The following RFX2 variants were observed in gnomAD, a reference collection of about 807,000 sequenced individuals.
RFX2 encodes the protein regulatory factor X2.
Under a neutral mutation model 87.8 loss-of-function variants are expected in RFX2, and 20 were observed. The observed-to-expected ratio is 0.23, with a 90% CI of 0.16 to 0.33. RFX2 has a LOEUF of 0.33. RFX2 is among the 10% of genes least tolerant of loss of function. RFX2 has a pLI of 1.00. For synonymous variants in RFX2, 397 were observed against 431.3 expected, an observed-to-expected ratio of 0.92 and a Z score of 0.98; for missense variants, 767 against 1,012.3, an observed-to-expected ratio of 0.76 and a Z score of 3.29.
At chr19:6,029,376 T>C (rs1478597641) in intron 5 of RFX2, among the ~76,000 whole-genome samples, 1 of 151,972 alleles carries the variant, frequency 6.6e-6, no homozygotes, top group East Asian at 1.9e-4. Context: ...TAAAATATAC[T>C]TAAAGAGCTA....
chr19:6,045,158 C>T lies in RFX2; in HGVS notation c.91-876G>A, dbSNP rs1398757384. ...CGAGGGGTGATGGGTGAGGACACGC[C>T]ATCCCCTGTGTTGCAGGAGTGGAGC... On this transcript the variant is annotated intron_variant, in intron 2 of 17. Transcript: ENST00000303657. This position sits in a 1 kb window ranked among gnomAD's most constrained non-coding sequence, Gnocchi z 5.2. Among the ~76,000 whole-genome samples, 1 of 152,120 alleles carries T rather than the reference C, an allele frequency of 6.6e-6. No homozygotes were observed. Among genetic ancestry groups the T allele is most frequent in the Non-Finnish European group, 1.5e-5 (1 of 68,032 alleles).
In RFX2 at chr19:5,995,585, C is replaced by T; in HGVS notation, c.2056+16G>A. The T allele has an allele frequency of 6.4e-7, 1 of 1,551,664 alleles. No homozygotes were observed. Among genetic ancestry groups the T allele is most frequent in the East Asian group, 2.4e-5 (1 of 40,920 alleles). Reference sequence around the variant, plus strand: ...TCCTGGGAGGGTCGTGGTGGGAAAGCCGCAGACGCACCTACCTTTGTCGAG... The same window carrying T: ...TCCTGGGAGGGTCGTGGTGGGAAAGTCGCAGACGCACCTACCTTTGTCGAG... On this transcript the variant is annotated intron_variant, in intron 17 of 17. Transcript: ENST00000303657.
At chr19:6,100,230 C>T (rs1382178075) in intron 1 of RFX2, among the ~76,000 whole-genome samples, 1 of 152,066 alleles carries the variant, frequency 6.6e-6, no homozygotes, top group Non-Finnish European at 1.5e-5. Context: ...AGGGAGGCAA[C>T]GAAAAGGGAG....
Position 6,013,191 on chromosome 19 carries a change from C to CA in RFX2, c.780-87_780-86insT. 4 of 1,075,762 alleles carry CA rather than the reference C, an allele frequency of 3.7e-6. No homozygotes were observed. The highest frequency in any genetic ancestry group is 3.7e-6 in the Non-Finnish European group (3 of 801,074). The allele number at this position is 1,075,762 out of a possible 1,614,324, so 66.6% of individuals were successfully genotyped here. A position where few individuals can be genotyped will look rare whatever the true frequency, so the allele number is the denominator to read the frequency against. The stretch of plus-strand genomic sequence containing the variant: ...TTGGGATTCTTTTTCTTTCTTTCTT[C>CA]TTTTTTTTTTTTGAGACAGAATCTC... On this transcript the variant is annotated intron_variant, in intron 7 of 17. Transcript: ENST00000303657. This position sits in a 1 kb window ranked among gnomAD's most constrained non-coding sequence, Gnocchi z 4.1.
intron 1 of RFX2, among the ~76,000 whole-genome samples, chr19:6,082,998 G>T (rs565023904): frequency 1.3e-5 from 2 of 152,062 alleles, no homozygotes; most frequent in Admixed American, 6.6e-5. Flanking sequence ...GGCTGCAGTG[G>T]CACAAACACG....
intron 1 of RFX2, among the ~76,000 whole-genome samples, chr19:6,086,301 G>A (rs2087855132): frequency 6.6e-6 from 1 of 152,070 alleles, no homozygotes; most frequent in Non-Finnish European, 1.5e-5. Context: ...TTTCATCATT[G>A]TGCGAATATC....
intron 7 of RFX2, 115 bp downstream of exon 7, chr19:6,015,975 G>A: frequency 1.0e-6 from 1 of 986,474 alleles, no homozygotes; most frequent in Non-Finnish European, 1.5e-6. Context: ...GCACTCCAGA[G>A]GTGGCTGCGA....
At chr19:6,057,776 G>A (rs1413806554) in intron 1 of RFX2, among the ~76,000 whole-genome samples, 1 of 152,166 alleles carries the variant, frequency 6.6e-6, no homozygotes, top group East Asian at 1.9e-4. Flanking sequence ...AGTACCAGTT[G>A]CTTCAAAGCC....
rs2088131909 is a variant in RFX2, at chr19:6,101,822, C to T, written c.-9+8571G>A. Among the ~76,000 whole-genome samples the T allele has an allele frequency of 6.6e-6, 1 of 152,154 alleles. No individual in the cohort carries two copies. Among genetic ancestry groups the T allele is most frequent in the African/African-American group, 2.4e-5 (1 of 41,440 alleles). ...GCCTCTGTCCAGGTTCTCCCTCTACCTAAGAGTCCCTTTGAGATCTCTGCT... is the reference window on the plus strand; with the variant it reads ...GCCTCTGTCCAGGTTCTCCCTCTACTTAAGAGTCCCTTTGAGATCTCTGCT... On this transcript the variant is annotated intron_variant, in intron 1 of 17. Transcript: ENST00000303657. The surrounding 1 kb of genome is among the most constrained non-coding windows in gnomAD (Gnocchi z 4.9).
At position 6,011,367 on chromosome 19, in the gene RFX2, A is replaced by G. The variant is rs1398666193; in HGVS notation, c.900-1116T>C. Reference sequence around the variant, plus strand: ...CAGGGAGGGAGCCGGCTTGAGCTGGAGCATCTCCAGCGGACCTCCCTCCTC... The same window carrying G: ...CAGGGAGGGAGCCGGCTTGAGCTGGGGCATCTCCAGCGGACCTCCCTCCTC... On this transcript the variant is annotated intron_variant, in intron 8 of 17. Transcript: ENST00000303657. This position sits in a 1 kb window ranked among gnomAD's most constrained non-coding sequence, Gnocchi z 4.8. Among the ~76,000 whole-genome samples, 2 of 152,046 alleles carry G rather than the reference A, an allele frequency of 1.3e-5. No individual in the cohort carries two copies. Among genetic ancestry groups the G allele is most frequent in the Non-Finnish European group, 2.9e-5 (2 of 67,990 alleles).
chr19:6,009,366 C>T (rs2086631285), intron 9 of RFX2, among the ~76,000 whole-genome samples: 1 of 152,140 alleles, frequency 6.6e-6, no homozygotes, highest in Non-Finnish European at 1.5e-5. Flanking sequence ...ATGGCAGGCT[C>T]TGAGTTAGGG....
Position 6,013,508 on chromosome 19 carries a change from T to TC in RFX2, c.780-404dup, listed in dbSNP as rs2086686165. ...GCCTCTTCTCTCTTTTTTTTTTTTT[T>TC]CAGAAACAGGGTCTCACTCTGTCAC... On this transcript the variant is annotated intron_variant, in intron 7 of 17. Transcript: ENST00000303657. This position sits in a 1 kb window ranked among gnomAD's most constrained non-coding sequence, Gnocchi z 4.1. 6.6e-6 allele frequency among the ~76,000 whole-genome samples: 1 copy of TC among 151,268 alleles called. No individual in the cohort carries two copies. The highest frequency in any genetic ancestry group is 2.4e-5 in the African/African-American group (1 of 41,044).
intron 1 of RFX2, among the ~76,000 whole-genome samples, chr19:6,071,087 G>A (rs1013791735): frequency 1.3e-5 from 2 of 152,084 alleles, no homozygotes; most frequent in African/African-American, 4.8e-5. Context: ...TTCCACACTC[G>A]AGTATTATTA....
intron 5 of RFX2, among the ~76,000 whole-genome samples, chr19:6,036,767 ACAG>A (rs1178590502): frequency 2.0e-5 from 3 of 152,228 alleles, no homozygotes; most frequent in African/African-American, 7.2e-5. Flanking sequence ...TGAAAAACCC[ACAG>A]CTAACATCAC....
chr19:6,085,469 T>A (rs1223408729), intron 1 of RFX2, among the ~76,000 whole-genome samples: 5 of 152,200 alleles, frequency 3.3e-5, no homozygotes, highest in Non-Finnish European at 5.9e-5. Context: ...CATTAAAAAA[T>A]TTTTTTGCTG....
intron 1 of RFX2, among the ~76,000 whole-genome samples, chr19:6,091,235 T>C (rs1053231670): frequency 3.3e-5 from 5 of 152,186 alleles, no homozygotes; most frequent in African/African-American, 1.2e-4. Flanking sequence ...CGCATGCCTG[T>C]AAACCCAGCA....
In RFX2 at chr19:6,015,979, G is replaced by T. The variant is rs1042727882; in HGVS notation, c.779+111C>A. 1.1e-5 allele frequency: 11 copies of T among 1,041,856 alleles called. No individual in the cohort carries two copies. The South Asian group carries it at 2.0e-4, about 19-fold the overall frequency. The allele number at this position is 1,041,856 out of a possible 1,614,324, so 64.5% of individuals were successfully genotyped here. On this transcript the variant is annotated intron_variant, in intron 7 of 17. Coordinates refer to ENST00000303657, the MANE Select transcript of RFX2 (RefSeq NM_000635.4). ...AGTAACTGCAAGCACTCCAGAGGTG[G>T]CTGCGAATCAGGCCACCTGGAAAGG...
rs1040134000 is a variant in RFX2, at chr19:6,010,854, C to G, written c.900-603G>C. 2.0e-5 allele frequency among the ~76,000 whole-genome samples: 3 copies of G among 152,206 alleles called. No homozygotes were observed. The highest frequency in any genetic ancestry group is 4.4e-5 in the Non-Finnish European group (3 of 68,044). ...ATTCTTGGCCGGGCGCAGGGGCTCA[C>G]GCCTGTAATCCCAGTGCTTTGGGAG... On this transcript the variant is annotated intron_variant, in intron 8 of 17. Coordinates refer to ENST00000303657, the MANE Select transcript of RFX2 (RefSeq NM_000635.4). This position sits in a 1 kb window ranked among gnomAD's most constrained non-coding sequence, Gnocchi z 5.0.
At chr19:6,062,861 A>C (rs1338122081) in intron 1 of RFX2, among the ~76,000 whole-genome samples, 2 of 152,178 alleles carry the variant, frequency 1.3e-5, no homozygotes, top group African/African-American at 4.8e-5. Context: ...CCCCACAAGC[A>C]GTTCCCTGTG....
Sources: gnomAD v4.1 joint callset for allele counts (sites outside exome capture counted in the v4.1 genomes callset) on GRCh38, gnomAD v4.1.1 for gene constraint, Gnocchi (gnomAD v3.1) non-coding constraint, MANE v1.5 for transcripts, NCBI Gene and HGNC (gene_info 2026-07-23, HGNC 2026-07-21) for gene names.